ZNF69: variants seen among roughly 807,000 people sequenced by gnomAD.
The protein encoded by ZNF69 is zinc finger protein 69.
Under a neutral mutation model 50.9 loss-of-function variants are expected in ZNF69, and 47 were observed. The ratio of observed to expected loss-of-function variants is 0.92; its 90% CI spans 0.73 to 1.18. The LOEUF (loss-of-function observed/expected upper bound fraction) is 1.18. Ranked by LOEUF, ZNF69 falls within the 50% of genes most tolerant of loss-of-function variation. The pLI, the probability that ZNF69 is intolerant of heterozygous loss-of-function variation, is 0.00. For synonymous variants in ZNF69, 216 were observed against 223.1 expected, an observed-to-expected ratio of 0.97 and a Z score of 0.29; for missense variants, 717 against 675.1, an observed-to-expected ratio of 1.06 and a Z score of -0.69.
At chr19:11,960,159 C>T in the ZNF69 span, among the ~76,000 whole-genome samples, 1 of 151,770 alleles carries the variant, frequency 6.6e-6, no homozygotes, top group Non-Finnish European at 1.5e-5. Flanking sequence ...CTTAGCGTCC[C>T]GGGGCGCATA....
downstream of ZNF69, among the ~76,000 whole-genome samples, chr19:11,908,143 C>T (rs111598826): frequency 6.6e-6 from 1 of 152,092 alleles, no homozygotes; most frequent in Non-Finnish European, 1.5e-5. Flanking sequence ...ATTTATGCAC[C>T]CAATACAGGA....
chr19:11,927,873 G>A, the ZNF69 span, among the ~76,000 whole-genome samples: 1 of 152,316 alleles, frequency 6.6e-6, no homozygotes, highest in East Asian at 1.9e-4. Context: ...TCAAGATGGA[G>A]CTGAACTTAA....
At chr19:11,920,018 A>C in the ZNF69 span, among the ~76,000 whole-genome samples, 5 of 151,796 alleles carry the variant, frequency 3.3e-5, no homozygotes, top group African/African-American at 1.2e-4. Context: ...TCTTGGACCC[A>C]TTGTGAGAAT....
the ZNF69 span, among the ~76,000 whole-genome samples, chr19:11,943,886 CAGG>C: frequency 6.6e-6 from 1 of 152,158 alleles, no homozygotes; most frequent in Admixed American, 6.6e-5. Context: ...CCAGGTGTGA[CAGG>C]AGCAGGGCTT....
At chr19:11,893,113 G>T (rs1295459878) in intron 1 of ZNF69, among the ~76,000 whole-genome samples, 1 of 152,190 alleles carries the variant, frequency 6.6e-6, no homozygotes, top group African/African-American at 2.4e-5. Flanking sequence ...GGGATTACAG[G>T]TATAAGCCAG....
At chr19:11,972,085 A>G in the ZNF69 span, among the ~76,000 whole-genome samples, 2 of 151,962 alleles carry the variant, frequency 1.3e-5, no homozygotes, top group Admixed American at 6.6e-5. Context: ...AAGAAAAGAA[A>G]AGAAATTAGT....
chr19:11,967,693 A>C, the ZNF69 span, among the ~76,000 whole-genome samples: 1 of 152,152 alleles, frequency 6.6e-6, no homozygotes, highest in East Asian at 1.9e-4. Context: ...GTGAGCCACC[A>C]TGTCCGGCCC....
the ZNF69 span, among the ~76,000 whole-genome samples, chr19:11,942,283 T>C: frequency 2.0e-5 from 3 of 151,548 alleles, no homozygotes; most frequent in African/African-American, 7.3e-5. Flanking sequence ...TCTAACAATG[T>C]CATCAAAGAT....
chr19:11,940,818 A>G, the ZNF69 span, among the ~76,000 whole-genome samples: 1 of 152,066 alleles, frequency 6.6e-6, no homozygotes, highest in Non-Finnish European at 1.5e-5. Context: ...CTAGACACAA[A>G]GGTTCTCCAC....
the ZNF69 span, among the ~76,000 whole-genome samples, chr19:11,920,464 G>C: frequency 8.5e-5 from 13 of 152,242 alleles, no homozygotes; most frequent in Middle Eastern, 3.4e-3. Context: ...TAATAAAATA[G>C]AGACTAGTTC....
downstream of ZNF69, among the ~76,000 whole-genome samples, chr19:11,919,184 C>T (rs949763607): frequency 2.0e-5 from 3 of 152,100 alleles, no homozygotes; most frequent in Non-Finnish European, 2.9e-5. Flanking sequence ...CGTGAGCCAC[C>T]GCGCCTGGCC....
chr19:11,939,418 G>A, the ZNF69 span, among the ~76,000 whole-genome samples: 1 of 152,118 alleles, frequency 6.6e-6, no homozygotes, highest in South Asian at 2.1e-4. Flanking sequence ...CGTAAGGAAG[G>A]GATCCAGTTT....
At chr19:11,894,359 C>T (rs183636201) in intron 1 of ZNF69, among the ~76,000 whole-genome samples, 255 of 152,294 alleles carry the variant, frequency 1.7e-3, no homozygotes, top group Middle Eastern at 3.4e-3. Flanking sequence ...CCAGGATGCT[C>T]TCTATCTCCT....
At chr19:11,902,506 G>A (rs560160548) in intron 1 of ZNF69, among the ~76,000 whole-genome samples, 9 of 151,894 alleles carry the variant, frequency 5.9e-5, no homozygotes, top group African/African-American at 2.2e-4. Flanking sequence ...GTATTTTTTA[G>A]GAATGTCCCC....
the ZNF69 span, among the ~76,000 whole-genome samples, chr19:11,963,610 G>A: frequency 4.6e-5 from 7 of 152,066 alleles, no homozygotes; most frequent in South Asian, 4.2e-4. Flanking sequence ...AAATTCCCAC[G>A]GAATCCAAGT....
chr19:11,892,930 G>A (rs1483761276), intron 1 of ZNF69, among the ~76,000 whole-genome samples: 2 of 152,190 alleles, frequency 1.3e-5, no homozygotes, highest in Non-Finnish European at 2.9e-5. Flanking sequence ...TGCCTCCTGG[G>A]TTCAAGTAAT....
At chr19:11,978,712 A>G in the ZNF69 span, 23 of 1,614,194 alleles carry the variant, frequency 1.4e-5, no homozygotes, top group African/African-American at 3.1e-4. Flanking sequence ...CAATGTGGGA[A>G]AGCATTCCAT....
At chr19:11,956,454 G>T in the ZNF69 span, 1 of 397,174 alleles carries the variant, frequency 2.5e-6, no homozygotes, top group South Asian at 1.4e-4. Context: ...AACCGAGTTT[G>T]AGAGATTTTG....
chr19:11,963,076 A>AGG, the ZNF69 span, among the ~76,000 whole-genome samples: 2 of 143,598 alleles, frequency 1.4e-5, no homozygotes, highest in Non-Finnish European at 3.0e-5. Context: ...TAGTTTGGTG[A>AGG]GAGAGAGAGA....
Sources: gnomAD v4.1 joint callset for allele counts (sites outside exome capture counted in the v4.1 genomes callset) on GRCh38, gnomAD v4.1.1 for gene constraint, MANE v1.5 for transcripts, NCBI Gene and HGNC (gene_info 2026-07-23, HGNC 2026-07-21) for gene names.